NYAP2: variants seen among roughly 807,000 people sequenced by gnomAD.
NYAP2 encodes the protein neuronal tyrosine-phosphorylated phosphoinositide-3-kinase adapter 2.
NYAP2 carries 23 observed loss-of-function variants against 50.4 expected under a neutral mutation model. The ratio of observed to expected loss-of-function variants is 0.46; its 90% CI spans 0.33 to 0.65. The LOEUF (loss-of-function observed/expected upper bound fraction) is 0.65, where lower values mean the gene tolerates loss of function less well. Among genes scored for constraint, NYAP2 ranks in the 30% least tolerant of loss-of-function variants. NYAP2 has a pLI of 0.02. For synonymous variants in NYAP2, 394 were observed against 365.2 expected (o/e 1.08, Z -0.90); for missense variants, 885 against 861.0 (o/e 1.03, Z -0.35).
chr2:225,431,337 C>G (rs1482432074), intron 3 of NYAP2, among the ~76,000 whole-genome samples: 1 of 152,168 alleles, frequency 6.6e-6, no homozygotes, highest in Non-Finnish European at 1.5e-5. Flanking sequence ...TTCAGACTTT[C>G]CGTTTACATA....
intron 3 of NYAP2, among the ~76,000 whole-genome samples, chr2:225,455,568 A>G (rs1689726747): frequency 6.6e-6 from 1 of 152,194 alleles, no homozygotes; most frequent in Non-Finnish European, 1.5e-5. Context: ...TGGAAATAAA[A>G]ATGTCCCTGA....
chr2:225,605,193 A>G (rs1379979187), intron 5 of NYAP2, among the ~76,000 whole-genome samples: 2 of 152,070 alleles, frequency 1.3e-5, no homozygotes, highest in African/African-American at 4.8e-5. Flanking sequence ...TTAAAGATTG[A>G]GGCATTTTTC....
In NYAP2 at chr2:225,582,896, C is replaced by A; in HGVS notation, c.1479C>A (p.Asn493Lys). 1 of 1,613,520 alleles carries A rather than the reference C, an allele frequency of 6.2e-7. No homozygotes were observed. Residue 493 changes from asparagine (N) to lysine (K), a missense_variant, in exon 5 of 7, where the codon AAC (asparagine) becomes AAA (lysine). Asn to Lys is a moderately conservative substitution (Grantham distance 94). Coordinates refer to ENST00000636099, the Ensembl canonical transcript of NYAP2. This position sits in a 1 kb window ranked among gnomAD's most constrained non-coding sequence, Gnocchi z 7.0. ...CCAAGATGGTCAACGCCGCGGTGAA[C>A]ACCTACGGGGCAGCCCCGGGTGGCT...
chr2:225,661,162 T>C, the NYAP2 span, among the ~76,000 whole-genome samples: 1 of 152,228 alleles, frequency 6.6e-6, no homozygotes, highest in Non-Finnish European at 1.5e-5. Context: ...TTCCGGAAAA[T>C]AGTATTCTTG....
At chr2:225,490,310 T>G (rs1451700252) in intron 3 of NYAP2, among the ~76,000 whole-genome samples, 2 of 152,180 alleles carry the variant, frequency 1.3e-5, no homozygotes, top group Non-Finnish European at 2.9e-5. Flanking sequence ...ATTCCTTTGA[T>G]TACTTACAAC....
intron 3 of NYAP2, among the ~76,000 whole-genome samples, chr2:225,459,904 A>T (rs1391167491): frequency 6.6e-6 from 1 of 151,996 alleles, no homozygotes; most frequent in African/African-American, 2.4e-5. Context: ...CGATCTCCTG[A>T]CCTGTGATCT....
At chr2:225,695,995 T>C in the NYAP2 span, among the ~76,000 whole-genome samples, 1 of 151,928 alleles carries the variant, frequency 6.6e-6, no homozygotes, top group Non-Finnish European at 1.5e-5. Context: ...CTAGTAACTT[T>C]GATTTAATTA....
intron 4 of NYAP2, among the ~76,000 whole-genome samples, chr2:225,562,577 TCCC>T: frequency 6.6e-6 from 1 of 152,112 alleles, no homozygotes; most frequent in African/African-American, 2.4e-5. Context: ...CAATTTGTCT[TCCC>T]TGCCTGGGTT....
intron 3 of NYAP2, among the ~76,000 whole-genome samples, chr2:225,476,306 G>T (rs572462704): frequency 6.6e-4 from 100 of 152,056 alleles, no homozygotes; most frequent in African/African-American, 2.4e-3. Context: ...CCAGCTACTC[G>T]GGAGGCTGAG....
chr2:225,486,933 G>C (rs1442063753), intron 3 of NYAP2, among the ~76,000 whole-genome samples: 1 of 152,226 alleles, frequency 6.6e-6, no homozygotes, highest in Non-Finnish European at 1.5e-5. Flanking sequence ...GGGAACTTTA[G>C]CCAGTAGTGC....
At chr2:225,443,343 T>C (rs1168129852) in intron 3 of NYAP2, among the ~76,000 whole-genome samples, 1 of 152,162 alleles carries the variant, frequency 6.6e-6, no homozygotes, top group East Asian at 1.9e-4. Flanking sequence ...CAACACCTAC[T>C]AAGATACTTA....
At chr2:225,545,793 G>T (rs1266455946) in intron 4 of NYAP2, among the ~76,000 whole-genome samples, 2 of 152,070 alleles carry the variant, frequency 1.3e-5, no homozygotes, top group Admixed American at 1.3e-4. Flanking sequence ...TGTATTTATT[G>T]TAGTCTTTGC....
At chr2:225,400,633 T>C (rs1056237857) in exon 2 of NYAP2, 4 of 152,098 alleles carry the variant, frequency 2.6e-5, no homozygotes, top group African/African-American at 9.7e-5. Flanking sequence ...TGTAGCAAAG[T>C]GGGTAAAATC....
intron 4 of NYAP2, among the ~76,000 whole-genome samples, chr2:225,521,266 T>C (rs1182174814): frequency 6.6e-6 from 1 of 151,974 alleles, no homozygotes; most frequent in Non-Finnish European, 1.5e-5. Context: ...ACCCTTTATT[T>C]CCTTCTTCTG....
At chr2:225,406,119 T>A (rs1246338408) in intron 2 of NYAP2, among the ~76,000 whole-genome samples, 2 of 151,812 alleles carry the variant, frequency 1.3e-5, no homozygotes, top group African/African-American at 4.8e-5. Flanking sequence ...TTTTTTTTTT[T>A]AATTTGGAAA....
At chr2:225,566,328 G>A (rs1691962271) in intron 4 of NYAP2, among the ~76,000 whole-genome samples, 1 of 150,954 alleles carries the variant, frequency 6.6e-6, no homozygotes, top group Admixed American at 6.6e-5. Flanking sequence ...GTGATCTCAG[G>A]TACTTAAGAA....
At chr2:225,535,423 T>C (rs956964683) in intron 4 of NYAP2, among the ~76,000 whole-genome samples, 1 of 152,186 alleles carries the variant, frequency 6.6e-6, no homozygotes, top group African/African-American at 2.4e-5. Flanking sequence ...AACAGAGTGT[T>C]ACAAGTGGCA....
intron 4 of NYAP2, among the ~76,000 whole-genome samples, chr2:225,552,386 C>A (rs1040230761): frequency 6.6e-6 from 1 of 152,176 alleles, no homozygotes; most frequent in African/African-American, 2.4e-5. Context: ...GAAGAGACTA[C>A]CATCCTGTGA....
At chr2:225,570,681 G>T (rs933289488) in intron 4 of NYAP2, among the ~76,000 whole-genome samples, 1 of 152,122 alleles carries the variant, frequency 6.6e-6, no homozygotes, top group Non-Finnish European at 1.5e-5. Context: ...GGGGATTATG[G>T]GAACTATAAG....
Sources: allele counts gnomAD v4.1 joint callset (sites outside exome capture counted in the v4.1 genomes callset), GRCh38; gene constraint gnomAD v4.1.1; non-coding constraint Gnocchi (gnomAD v3.1); transcripts MANE v1.5; gene names NCBI Gene and HGNC (gene_info 2026-07-23, HGNC 2026-07-21).